Variants in ULK4 observed in about 807,000 individuals in gnomAD.
ULK4 encodes inactive serine/threonine-protein kinase ULK4.
ULK4 carries 133 observed loss-of-function variants against 160.6 expected under a neutral mutation model. That is an observed-to-expected ratio of 0.83 (90% CI 0.72 to 0.96). ULK4 has a LOEUF of 0.96. ULK4 is among the 40% of genes least tolerant of loss of function. ULK4 has a pLI of 0.00. For missense variants in ULK4, 1,580 were observed against 1,499.5 expected, an observed-to-expected ratio of 1.05 and a Z score of -0.89; for synonymous variants, 534 against 539.8, an observed-to-expected ratio of 0.99 and a Z score of 0.15.
intron 34 of ULK4, among the ~76,000 whole-genome samples, chr3:41,420,178 A>G (rs2082628190): frequency 6.6e-6 from 1 of 152,022 alleles, no homozygotes; most frequent in Non-Finnish European, 1.5e-5. Flanking sequence ...AGTCTCTCAC[A>G]TTTATTTTGT....
intron 27 of ULK4, among the ~76,000 whole-genome samples, chr3:41,692,981 C>CA (rs2036360971): frequency 6.6e-6 from 1 of 152,182 alleles, no homozygotes; most frequent in Admixed American, 6.5e-5. Flanking sequence ...AATGCTAAGA[C>CA]AGCTCTGGGA....
intron 27 of ULK4, among the ~76,000 whole-genome samples, chr3:41,690,683 G>C (rs1300730573): frequency 6.6e-6 from 1 of 151,506 alleles, no homozygotes; most frequent in South Asian, 2.1e-4. Flanking sequence ...TTCATCCAGG[G>C]TTCTACGCCA....
intron 35 of ULK4, among the ~76,000 whole-genome samples, chr3:41,344,073 A>C (rs1433545454): frequency 6.6e-6 from 1 of 152,218 alleles, no homozygotes; most frequent in Non-Finnish European, 1.5e-5. Flanking sequence ...CCTGACTTCA[A>C]ACTACACTAC....
chr3:41,761,252 T>C, intron 21 of ULK4, among the ~76,000 whole-genome samples: 1 of 150,762 alleles, frequency 6.6e-6, no homozygotes, highest in East Asian at 1.9e-4. Flanking sequence ...TAAATTTCAT[T>C]ATACATAAAT....
chr3:41,305,394 CT>C lies in ULK4; in HGVS notation c.3679-55821del, dbSNP rs373523180. Among the ~76,000 whole-genome samples the C allele has an allele frequency of 2.1e-3, 326 of 152,342 alleles. 1 individual carries two copies. The highest frequency in any genetic ancestry group is 0.015 in the East Asian group (78 of 5,164). On this transcript the variant is annotated intron_variant, in intron 35 of 36. Coordinates refer to ENST00000301831, the MANE Select transcript of ULK4 (RefSeq NM_017886.4). ...TGCAGGCTCGAGCCGCCACGCCTGA[CT>C]GGTTTTGGTGGAGACGGGGTTTCGC... is the stretch of plus-strand genomic sequence containing the variant.
intron 18 of ULK4, among the ~76,000 whole-genome samples, chr3:41,827,195 CA>C (rs1411067268): frequency 2.1e-5 from 3 of 145,190 alleles, no homozygotes. Flanking sequence ...TAAATGCCCA[CA>C]AGAGAAAGCA....
chr3:41,512,621 T>G (rs963542709), intron 32 of ULK4, among the ~76,000 whole-genome samples: 1 of 152,030 alleles, frequency 6.6e-6, no homozygotes, highest in Non-Finnish European at 1.5e-5. Flanking sequence ...AAAGAAATAA[T>G]AGACAACACA....
intron 32 of ULK4, among the ~76,000 whole-genome samples, chr3:41,503,830 G>A (rs6599158): frequency 0.71 from 108,026 of 151,978 alleles, 38,849 homozygotes; most frequent in Middle Eastern, 0.82. Flanking sequence ...TCTTACTCAT[G>A]TATGTAAATA....
At position 41,681,771 on chromosome 3, in the gene ULK4, A is replaced by G. The variant is rs2035932353; in HGVS notation, c.2815T>C (p.Leu939=). ...VDYILPPLVS[L]VQSQNVEWRL... The stretch of plus-strand genomic sequence containing the variant: ...CACTTACCATTTTGGCTTTGAACCA[A>G]GGACACCAAGGGTGGCAGTATATAG... The change falls in exon 28 of 37, where the codon TTG becomes CTG. Residue 939 remains leucine (L), a synonymous_variant. Coordinates refer to ENST00000301831, the MANE Select transcript of ULK4 (RefSeq NM_017886.4). The G allele has an allele frequency of 1.9e-6, 3 of 1,614,140 alleles. No homozygotes were observed. Among genetic ancestry groups the G allele is most frequent in the Non-Finnish European group, 2.5e-6 (3 of 1,179,970 alleles).
chr3:41,946,508 C>T (rs761517565), intron 2 of ULK4, among the ~76,000 whole-genome samples: 14 of 152,182 alleles, frequency 9.2e-5, no homozygotes, highest in Non-Finnish European at 1.3e-4. Context: ...CTACACTACT[C>T]GGGTGTGCCT....
intron 35 of ULK4, among the ~76,000 whole-genome samples, chr3:41,316,409 T>C (rs2080143852): frequency 6.6e-6 from 1 of 152,234 alleles, no homozygotes; most frequent in Non-Finnish European, 1.5e-5. Context: ...GTGAATTATA[T>C]CTCAATAAAG....
At chr3:41,397,945 G>T in intron 35 of ULK4, 134 bp downstream of exon 35, 1 of 920,784 alleles carries the variant, frequency 1.1e-6, no homozygotes, top group Non-Finnish European at 1.6e-6. Flanking sequence ...TAAGGAGAAA[G>T]GTGACTGGGA....
intron 32 of ULK4, among the ~76,000 whole-genome samples, chr3:41,496,315 A>G (rs1249294530): frequency 6.6e-6 from 1 of 152,152 alleles, no homozygotes; most frequent in Non-Finnish European, 1.5e-5. Context: ...TAGTCCTTCT[A>G]TCATAAACAT....
chr3:41,344,276 T>C (rs1237385487), intron 35 of ULK4, among the ~76,000 whole-genome samples: 1 of 152,142 alleles, frequency 6.6e-6, no homozygotes, highest in Non-Finnish European at 1.5e-5. Flanking sequence ...TAGCTACATA[T>C]ACAGAAAATT....
intron 35 of ULK4, among the ~76,000 whole-genome samples, chr3:41,321,815 T>C (rs2080253550): frequency 6.9e-6 from 1 of 144,110 alleles, no homozygotes; most frequent in Admixed American, 7.0e-5. Flanking sequence ...AAACACTCTG[T>C]GCCTGCGGCC....
intron 34 of ULK4, among the ~76,000 whole-genome samples, chr3:41,434,378 C>T (rs1213238319): frequency 6.6e-6 from 1 of 152,018 alleles, no homozygotes; most frequent in Admixed American, 6.5e-5. Context: ...AAGCAAGTTG[C>T]AGATATGCAT....
At chr3:41,804,232 G>A (rs1441826854) in intron 19 of ULK4, among the ~76,000 whole-genome samples, 4 of 151,944 alleles carry the variant, frequency 2.6e-5, no homozygotes, top group African/African-American at 9.7e-5. Context: ...TTCTCTGATG[G>A]CCAGTGATGG....
chr3:41,350,428 C>T (rs982332073), intron 35 of ULK4, among the ~76,000 whole-genome samples: 1 of 152,076 alleles, frequency 6.6e-6, no homozygotes, highest in African/African-American at 2.4e-5. Context: ...AATTATATAT[C>T]TTTTGCTATC....
chr3:41,396,880 C>G (rs186582157), intron 35 of ULK4, among the ~76,000 whole-genome samples: 61 of 152,256 alleles, frequency 4.0e-4, no homozygotes, highest in South Asian at 8.3e-4. Flanking sequence ...GGGGGGGAGT[C>G]ACACCCATAC....
Sources: gnomAD v4.1 joint callset for allele counts (sites outside exome capture counted in the v4.1 genomes callset) on GRCh38, gnomAD v4.1.1 for gene constraint, MANE v1.5 for transcripts, NCBI Gene and HGNC (gene_info 2026-07-23, HGNC 2026-07-21) for gene names.